Variants in BABAM1 observed in about 807,000 individuals in gnomAD.
The protein encoded by BABAM1 is BRISC and BRCA1-A complex member 1.
BABAM1 carries 14 observed loss-of-function variants against 34.4 expected under a neutral mutation model. That is an observed-to-expected ratio of 0.41 (90% CI 0.27 to 0.64). The LOEUF is 0.64. Among genes scored for constraint, BABAM1 ranks in the 30% least tolerant of loss-of-function variants. BABAM1 has a pLI of 0.34. For missense variants in BABAM1, 393 were observed against 434.0 expected, an observed-to-expected ratio of 0.91 and a Z score of 0.84; for synonymous variants, 169 against 165.8, an observed-to-expected ratio of 1.02 and a Z score of -0.15.
At position 17,279,227 on chromosome 19, in the gene BABAM1, C is replaced by A. The variant is rs1269967194; in HGVS notation, c.*179C>A. ...CAGGAGGGATCCCAGGAACTGTGGG[C>A]ACCCATTTTCTGTGTCTCCCAGCCC... On this transcript the variant is annotated 3_prime_UTR_variant, in exon 9 of 9. Transcript: ENST00000598188. The A allele has an allele frequency of 1.9e-5, 11 of 585,542 alleles. No individual in the cohort carries two copies. Among genetic ancestry groups the A allele is most frequent in the Non-Finnish European group, 3.2e-5 (11 of 345,336 alleles). 36.3% of individuals were successfully genotyped at this position (585,542 alleles called of 1,614,324 possible). A position where few individuals can be genotyped will look rare whatever the true frequency, so the allele number is the denominator to read the frequency against.
intron 8 of BABAM1, chr19:17,277,114 G>T: frequency 1.8e-6 from 1 of 562,062 alleles, no homozygotes; most frequent in South Asian, 2.4e-5. Context: ...CGATGGTCCA[G>T]GCAACATGTT....
At chr19:17,273,649 C>T (rs570030333) in intron 3 of BABAM1, among the ~76,000 whole-genome samples, 244 of 150,386 alleles carry the variant, frequency 1.6e-3, no homozygotes, top group Non-Finnish European at 2.6e-3. Context: ...CTGCAACCTC[C>T]GCCTTCTGGG....
intron 2 of BABAM1, among the ~76,000 whole-genome samples, 160 bp from the exon 3 acceptor site, chr19:17,271,437 A>G (rs111324512): frequency 0.014 from 2,104 of 152,254 alleles, 25 homozygotes; most frequent in South Asian, 0.032. Context: ...TTCAGTGCCC[A>G]TTCTTCTAAG....
chr19:17,275,774 T>C, intron 5 of BABAM1, 27 bp from the exon 6 acceptor site: 3 of 1,613,686 alleles, frequency 1.9e-6, no homozygotes, highest in Non-Finnish European at 2.5e-6. Context: ...CGTGCTCTAC[T>C]AGCCTTCTCC....
At chr19:17,272,451 T>C (rs1173483826) in intron 3 of BABAM1, among the ~76,000 whole-genome samples, 8 of 147,630 alleles carry the variant, frequency 5.4e-5, no homozygotes, top group Non-Finnish European at 3.0e-5. Flanking sequence ...TGTCGCCCAA[T>C]CTGGAGTGCA....
chr19:17,278,265 G>C (rs917313265), intron 8 of BABAM1, among the ~76,000 whole-genome samples: 21 of 151,950 alleles, frequency 1.4e-4, no homozygotes, highest in Admixed American at 1.4e-3. Flanking sequence ...CAAAGTGGGG[G>C]CCAGGAGAAT....
At position 17,268,781 on chromosome 19, in the gene BABAM1, G is replaced by C; in HGVS notation, c.-13-13G>C. The C allele has an allele frequency of 6.4e-7, 1 of 1,573,814 alleles. No individual in the cohort carries two copies. The highest frequency in any genetic ancestry group is 8.6e-7 in the Non-Finnish European group (1 of 1,158,892). ...GGGAGGATTCTGGCTTCCCCTGTCC[G>C]TGTTCCATCTAGCCACACAGGAGCC... On this transcript the variant is annotated splice_polypyrimidine_tract_variant and intron_variant, in intron 1 of 8. Transcript: ENST00000598188.
chr19:17,276,971 C>G, intron 8 of BABAM1, 62 bp downstream of exon 8: 1 of 1,457,850 alleles, frequency 6.9e-7, no homozygotes, highest in Non-Finnish European at 9.4e-7. Flanking sequence ...TGGAACACAC[C>G]TGCACTGGGT....
intron 7 of BABAM1, 80 bp downstream of exon 7, chr19:17,276,704 A>C (rs1377415478): frequency 6.4e-7 from 1 of 1,559,292 alleles, no homozygotes; most frequent in Admixed American, 1.9e-5. Context: ...TTCCAACCAC[A>C]GAGGCTGGGG....
intron 1 of BABAM1, among the ~76,000 whole-genome samples, chr19:17,267,798 A>C (rs1206717806): frequency 6.6e-6 from 1 of 152,216 alleles, no homozygotes; most frequent in Non-Finnish European, 1.5e-5. Flanking sequence ...AAGGGGAACC[A>C]CAGTACTAAT....
chr19:17,272,410 T>A (rs1184425131), intron 3 of BABAM1, among the ~76,000 whole-genome samples: 1 of 150,752 alleles, frequency 6.6e-6, no homozygotes, highest in Non-Finnish European at 1.5e-5. Context: ...GTCCCTTTTT[T>A]TTGTTTTTTT....
chr19:17,269,733 T>G (rs2073816395), intron 2 of BABAM1, among the ~76,000 whole-genome samples: 1 of 151,468 alleles, frequency 6.6e-6, no homozygotes, highest in African/African-American at 2.4e-5. Flanking sequence ...CCCAATTTTT[T>G]TTTTTTGTTT....
chr19:17,276,948 G>A (rs763868838), intron 8 of BABAM1, 39 bp downstream of exon 8: 15 of 1,538,362 alleles, frequency 9.8e-6, no homozygotes, highest in Non-Finnish European at 1.2e-5. Context: ...AGGCGGGTGT[G>A]GACAGGATGT....
chr19:17,271,107 G>A (rs565098811), intron 2 of BABAM1, among the ~76,000 whole-genome samples: 66 of 151,726 alleles, frequency 4.3e-4, no homozygotes, highest in Admixed American at 7.2e-4. Context: ...TCTTGGTTTA[G>A]CCTCCTGAGT....
At chr19:17,277,903 G>A (rs780092547) in intron 8 of BABAM1, among the ~76,000 whole-genome samples, 12 of 151,360 alleles carry the variant, frequency 7.9e-5, no homozygotes, top group Non-Finnish European at 1.6e-4. Flanking sequence ...ACGGCCAGGT[G>A]TGGTGGCTCA....
In BABAM1 at chr19:17,271,797, GTGC is replaced by G. The variant is rs1215607073; in HGVS notation, c.344+143_344+145del. 7.7e-6 allele frequency: 7 copies of G among 905,250 alleles called. No homozygotes were observed. In the East Asian group the frequency reaches 1.9e-4, roughly 24 times the overall value. The allele number at this position is 905,250 out of a possible 1,614,324, so 56.1% of individuals were successfully genotyped here. A position where few individuals can be genotyped will look rare whatever the true frequency, so the allele number is the denominator to read the frequency against. ...AGTATCAGAGATTAGCAAGAGCCAG[GTGC>G]AGTGGCTCATGCCTGTAATCCCAGT... On this transcript the variant is annotated intron_variant, in intron 3 of 8. Transcript: ENST00000598188.
intron 8 of BABAM1, chr19:17,277,294 C>T (rs1034981137): frequency 1.7e-5 from 3 of 171,572 alleles, no homozygotes; most frequent in Admixed American, 5.9e-5. Flanking sequence ...CTCTGCCTCC[C>T]GGGTTCAAGC....
chr19:17,269,940 T>C (rs2073819312), intron 2 of BABAM1, among the ~76,000 whole-genome samples: 1 of 150,938 alleles, frequency 6.6e-6, no homozygotes. Flanking sequence ...TTTTTTTTTT[T>C]TTTGAGAAGG....
rs1369243581 is a variant in BABAM1, at chr19:17,274,107, C to G, written c.466C>G (p.Leu156Val). The G allele has an allele frequency of 5.0e-6, 8 of 1,613,776 alleles. No homozygotes were observed. Among genetic ancestry groups the G allele is most frequent in the Non-Finnish European group, 6.8e-6 (8 of 1,179,870 alleles). Residue 156 changes from leucine (L) to valine (V), a missense_variant and splice_region_variant, in exon 5 of 9, where the codon CTG (leucine) becomes GTG (valine). Physicochemically the swap from Leu to Val is conservative, Grantham distance 32 (BLOSUM62 1). Coordinates refer to ENST00000598188, the MANE Select transcript of BABAM1 (RefSeq NM_014173.4). ...LVVVNDDTAW[L>V]SGLTSDPREL... The stretch of plus-strand genomic sequence containing the variant: ...CACTGAGGCCTCTGCTTCCCTGCAG[C>G]TGTCTGGCCTGACCTCCGACCCCCG...
Sources: gnomAD v4.1 joint callset for allele counts (sites outside exome capture counted in the v4.1 genomes callset) on GRCh38, gnomAD v4.1.1 for gene constraint, MANE v1.5 for transcripts, NCBI Gene and HGNC (gene_info 2026-07-23, HGNC 2026-07-21) for gene names.